Variants in CDH5 observed in about 807,000 individuals in gnomAD.
The protein encoded by CDH5 is cadherin-5.
CDH5 carries 28 observed loss-of-function variants against 62.0 expected under a neutral mutation model. The observed-to-expected ratio is 0.45, with a 90% CI of 0.33 to 0.62. The LOEUF is 0.62. CDH5 is among the 20% of genes least tolerant of loss of function. CDH5 has a pLI of 0.02. For synonymous variants in CDH5, 464 were observed against 445.8 expected, an observed-to-expected ratio of 1.04 and a Z score of -0.52; for missense variants, 940 against 1,065.1, an observed-to-expected ratio of 0.88 and a Z score of 1.63.
At chr16:66,389,556 G>A (rs773561465) in intron 5 of CDH5, 34 bp downstream of exon 5, 9 of 1,506,334 alleles carry the variant, frequency 6.0e-6, no homozygotes, top group Admixed American at 2.1e-5. Context: ...GGGAAGGGGG[G>A]CTGGGATACC....
intron 9 of CDH5, 25 bp from the exon 10 acceptor site, chr16:66,398,431 C>A (rs201219455): frequency 2.8e-6 from 4 of 1,420,174 alleles, no homozygotes; most frequent in Non-Finnish European, 4.0e-6. Context: ...CCATCACTGA[C>A]CATCTCCTGT....
intron 1 of CDH5, among the ~76,000 whole-genome samples, chr16:66,372,984 G>A (rs1960719692): frequency 6.6e-6 from 1 of 152,216 alleles, no homozygotes; most frequent in South Asian, 2.1e-4. Context: ...GGACACTGCA[G>A]GTACCTGGCC....
In CDH5 at chr16:66,379,362, G is replaced by A. The variant is rs547585305; in HGVS notation, c.25G>A (p.Ala9Thr). MQRLMMLLATSGACLGLLA... is the reference protein window; with the variant it reads MQRLMMLLTTSGACLGLLA... ...GATGCAGAGGCTCATGATGCTCCTC[G>A]CCACATCGGGCGCCTGCCTGGGCCT... The change falls in exon 2 of 12, where the codon GCC (alanine) becomes ACC (threonine). Residue 9 changes from alanine (A) to threonine (T), a missense_variant. Ala to Thr is a moderately conservative substitution (Grantham distance 58, BLOSUM62 0). Transcript: ENST00000341529. 26 of 1,612,654 alleles carry A rather than the reference G, an allele frequency of 1.6e-5. No individual in the cohort carries two copies. The East Asian group carries it at 2.7e-4, about 17-fold the overall frequency.
At chr16:66,368,293 T>C (rs1168382786) in intron 1 of CDH5, among the ~76,000 whole-genome samples, 2 of 152,112 alleles carry the variant, frequency 1.3e-5, no homozygotes, top group Non-Finnish European at 2.9e-5. Context: ...CTGCCTGCCC[T>C]AGAGAGCAGC....
At chr16:66,400,666 A>G in intron 10 of CDH5, 105 bp from the exon 11 acceptor site, 3 of 1,370,150 alleles carry the variant, frequency 2.2e-6, no homozygotes, top group Non-Finnish European at 3.1e-6. Flanking sequence ...AAAGCAGCCC[A>G]GGGAGCACGC....
At chr16:66,374,971 C>T (rs558532666) in intron 1 of CDH5, among the ~76,000 whole-genome samples, 28 of 152,114 alleles carry the variant, frequency 1.8e-4, no homozygotes, top group African/African-American at 6.5e-4. Flanking sequence ...CGACAGGCCC[C>T]GGTGTGTGAT....
In CDH5 at chr16:66,403,230, G is replaced by A. The variant is rs1063439; in HGVS notation, c.*61G>A. 34 of 1,459,710 alleles carry A rather than the reference G, an allele frequency of 2.3e-5. No homozygotes were observed. The highest frequency in any genetic ancestry group is 2.8e-5 in the Non-Finnish European group (30 of 1,085,998). 90.4% of individuals were successfully genotyped at this position (1,459,710 alleles called of 1,614,324 possible). Reference sequence around the variant, plus strand: ...CCCCTGCAGCCCAGGCCAGTCAGACGCCAGGCACCACAGCCTCCAAAAATG... The same window carrying A: ...CCCCTGCAGCCCAGGCCAGTCAGACACCAGGCACCACAGCCTCCAAAAATG... On this transcript the variant is annotated 3_prime_UTR_variant, in exon 12 of 12. Transcript: ENST00000341529. This position sits in a 1 kb window ranked among gnomAD's most constrained non-coding sequence, Gnocchi z 4.3.
Position 66,379,458 on chromosome 16 carries a change from A to G in CDH5, c.121A>G (p.Thr41Ala), listed in dbSNP as rs769076339. The G allele has an allele frequency of 1.9e-6, 3 of 1,614,192 alleles. No individual in the cohort carries two copies. The highest frequency in any genetic ancestry group is 2.5e-6 in the Non-Finnish European group (3 of 1,180,036). Residue 41 changes from threonine (T) to alanine (A), a missense_variant, in exon 2 of 12, where the codon ACC (threonine) becomes GCC (alanine). Coordinates refer to ENST00000341529, the MANE Select transcript of CDH5 (RefSeq NM_001795.5). ...AQRDTHSLLP[T>A]HRRQKRDWIW... Reference sequence around the variant, plus strand: ...ACGGGACACCCACAGCCTGCTGCCCACCCACCGGCGCCAAAAGAGAGATTG... The same window carrying G: ...ACGGGACACCCACAGCCTGCTGCCCGCCCACCGGCGCCAAAAGAGAGATTG...
intron 10 of CDH5, among the ~76,000 whole-genome samples, chr16:66,399,977 C>T (rs537487399): frequency 6.6e-6 from 1 of 152,184 alleles, no homozygotes; most frequent in African/African-American, 2.4e-5. Flanking sequence ...CTAAGTAAAT[C>T]CTGGAGTAGG....
intron 6 of CDH5, 121 bp downstream of exon 6, chr16:66,390,711 G>A (rs1961069531): frequency 2.2e-6 from 2 of 895,968 alleles, no homozygotes; most frequent in East Asian, 2.6e-5. Flanking sequence ...GCTCCAAGGT[G>A]GTCATGTGTT....
chr16:66,398,336 G>T (rs1449189992), intron 9 of CDH5, 120 bp from the exon 10 acceptor site: 9 of 799,940 alleles, frequency 1.1e-5, no homozygotes, highest in Non-Finnish European at 1.9e-5. Context: ...AAATAGGTGA[G>T]TGTTGCAGGT....
intron 1 of CDH5, among the ~76,000 whole-genome samples, chr16:66,378,862 G>A (rs1306773320): frequency 6.6e-6 from 1 of 152,246 alleles, no homozygotes; most frequent in Non-Finnish European, 1.5e-5. Flanking sequence ...AAGGATGAAG[G>A]AGTGAACAGA....
Position 66,403,358 on chromosome 16 carries a change from T to C in CDH5, c.*189T>C. On this transcript the variant is annotated 3_prime_UTR_variant, in exon 12 of 12. Coordinates refer to ENST00000341529, the MANE Select transcript of CDH5 (RefSeq NM_001795.5). This position sits in a 1 kb window ranked among gnomAD's most constrained non-coding sequence, Gnocchi z 4.3. ...TTCCTGAAATATCCAGGAATATATG[T>C]CAGTGATGACTATTCTCAAATGCTG... The C allele has an allele frequency of 1.7e-6, 1 of 601,498 alleles. No homozygotes were observed. The highest frequency in any genetic ancestry group is 2.9e-6 in the Non-Finnish European group (1 of 339,984). 37.3% of individuals were successfully genotyped at this position (601,498 alleles called of 1,614,324 possible). A position where few individuals can be genotyped will look rare whatever the true frequency, so the allele number is the denominator to read the frequency against.
chr16:66,402,784 G>A lies in CDH5; in HGVS notation c.1970G>A (p.Ser657Asn), dbSNP rs776569869. 1.2e-6 allele frequency: 2 copies of A among 1,606,326 alleles called. No individual in the cohort carries two copies. The highest frequency in any genetic ancestry group is 1.7e-6 in the Non-Finnish European group (2 of 1,177,416). Residue 657 changes from serine to asparagine, a missense_variant, in exon 12 of 12, where the codon AGC becomes AAC. By Grantham distance (46) the Ser-to-Asn change is conservative. Transcript: ENST00000341529. Reference sequence around the variant, plus strand: ...GGCGGCGGCGAGATGGACACCACCAGCTACGATGTGTCGGTGCTCAACTCG... The same window carrying A: ...GGCGGCGGCGAGATGGACACCACCAACTACGATGTGTCGGTGCTCAACTCG... ...EEGGGEMDTT[S>N]YDVSVLNSVR...
intron 1 of CDH5, among the ~76,000 whole-genome samples, chr16:66,379,016 C>T (rs535769609): frequency 2.6e-5 from 4 of 152,232 alleles, no homozygotes; most frequent in South Asian, 2.1e-4. Flanking sequence ...TGCATAGCTT[C>T]GGGGAAGAAT....
chr16:66,395,096 T>G (rs1961156505), intron 7 of CDH5, among the ~76,000 whole-genome samples: 1 of 130,064 alleles, frequency 7.7e-6, no homozygotes. Context: ...TCACCTGGGC[T>G]GGGCTGGTCT....
chr16:66,373,117 T>C (rs1350013739), intron 1 of CDH5, among the ~76,000 whole-genome samples: 1 of 152,128 alleles, frequency 6.6e-6, no homozygotes, highest in African/African-American at 2.4e-5. Flanking sequence ...ACTTCCAAAA[T>C]CCTCAGACCC....
chr16:66,372,527 C>T (rs1463854433), intron 1 of CDH5, among the ~76,000 whole-genome samples: 1 of 152,204 alleles, frequency 6.6e-6, no homozygotes, highest in Non-Finnish European at 1.5e-5. Flanking sequence ...CAGGCACCTG[C>T]AGACCCAGAC....
chr16:66,400,925 C>A lies in CDH5; in HGVS notation c.1746C>A (p.Gly582=). The A allele has an allele frequency of 6.2e-7, 1 of 1,614,168 alleles. No individual in the cohort carries two copies. The highest frequency in any genetic ancestry group is 2.2e-5 in the East Asian group (1 of 44,888). ...CCGTGTGCAAGTGCAACGAGCAGGGCGAGTTCACCTTCTGCGAGGATATGG... is the reference window on the plus strand; with the variant it reads ...CCGTGTGCAAGTGCAACGAGCAGGGAGAGTTCACCTTCTGCGAGGATATGG... ...TVAVCKCNEQ[G]EFTFCEDMAA... Residue 582 remains glycine (G), a synonymous_variant, in exon 11 of 12, where the codon GGC becomes GGA. Coordinates refer to ENST00000341529, the MANE Select transcript of CDH5 (RefSeq NM_001795.5).
Sources: allele counts gnomAD v4.1 joint callset (sites outside exome capture counted in the v4.1 genomes callset), GRCh38; gene constraint gnomAD v4.1.1; non-coding constraint Gnocchi (gnomAD v3.1); transcripts MANE v1.5; gene names NCBI Gene and HGNC (gene_info 2026-07-23, HGNC 2026-07-21).